ARHGAP42: variants seen among roughly 807,000 people sequenced by gnomAD.
ARHGAP42 encodes Rho GTPase activating protein 42, also known as rho GTPase-activating protein 42.
A neutral mutation model predicts 125.0 loss-of-function variants in ARHGAP42; 63 were observed. The observed-to-expected ratio is 0.50, with a 90% confidence interval of 0.41 to 0.62. The LOEUF (loss-of-function observed/expected upper bound fraction) is 0.62. Among genes scored for constraint, ARHGAP42 ranks in the 20% least tolerant of loss-of-function variants. ARHGAP42 has a pLI of 0.00. For missense variants in ARHGAP42, 766 were observed against 1,024.2 expected, an observed-to-expected ratio of 0.75 and a Z score of 3.44; for synonymous variants, 339 against 351.0, an observed-to-expected ratio of 0.97 and a Z score of 0.38.
intron 2 of ARHGAP42, among the ~76,000 whole-genome samples, chr11:100,777,423 T>G (rs985333683): frequency 1.3e-5 from 2 of 152,152 alleles, no homozygotes; most frequent in African/African-American, 4.8e-5. Context: ...AAGGGAGTGG[T>G]TGGAAAATCT....
At chr11:100,958,644 G>T (rs894298803) in intron 12 of ARHGAP42, among the ~76,000 whole-genome samples, 5 of 96,634 alleles carry the variant, frequency 5.2e-5, no homozygotes, top group African/African-American at 9.6e-5. Context: ...CTTACCAGTA[G>T]TTTGCATATA....
At chr11:100,846,743 T>G (rs1421193738) in intron 3 of ARHGAP42, among the ~76,000 whole-genome samples, 1 of 152,078 alleles carries the variant, frequency 6.6e-6, no homozygotes, top group Non-Finnish European at 1.5e-5. Context: ...TGTGGGAGTT[T>G]GAAGAAGGGC....
chr11:100,806,350 G>T (rs568814208), intron 3 of ARHGAP42, among the ~76,000 whole-genome samples: 1 of 152,038 alleles, frequency 6.6e-6, no homozygotes, highest in Non-Finnish European at 1.5e-5. Flanking sequence ...ATATGCCCTC[G>T]ATAGGTGATA....
At chr11:100,925,184 A>T (rs907685815) in intron 6 of ARHGAP42, among the ~76,000 whole-genome samples, 1 of 151,842 alleles carries the variant, frequency 6.6e-6, no homozygotes, top group African/African-American at 2.4e-5. Context: ...TTTCCAGTTT[A>T]TTATATTTTA....
intron 4 of ARHGAP42, among the ~76,000 whole-genome samples, chr11:100,886,391 C>G (rs1173616564): frequency 1.3e-5 from 2 of 152,168 alleles, no homozygotes; most frequent in East Asian, 3.9e-4. Flanking sequence ...CAATACATTT[C>G]TTTATAGAGT....
intron 4 of ARHGAP42, among the ~76,000 whole-genome samples, chr11:100,872,781 C>T (rs991062611): frequency 1.3e-5 from 2 of 152,074 alleles, no homozygotes; most frequent in Non-Finnish European, 2.9e-5. Context: ...ATTAGCATGC[C>T]ATCATCTGTC....
Position 100,973,304 on chromosome 11 carries a change from G to C in ARHGAP42, c.1680G>C (p.Val560=), listed in dbSNP as rs1362276486. 2.6e-6 allele frequency: 4 copies of C among 1,550,524 alleles called. No homozygotes were observed. Among genetic ancestry groups the C allele is most frequent in the Non-Finnish European group, 3.5e-6 (4 of 1,146,566 alleles). Residue 560 remains valine (V), a synonymous_variant, in exon 18 of 24, where the codon GTG becomes GTC. Coordinates refer to ENST00000298815, the MANE Select transcript of ARHGAP42 (RefSeq NM_152432.4). The stretch of plus-strand genomic sequence containing the variant: ...TGAATATTAAATTTCAGAATATTGT[G>C]GTAGAAATTCTGATAGAGCACTATG... ...AMMNIKFQNI[V]VEILIEHYEK... is the part of the protein sequence containing the mutation.
chr11:100,925,699 C>T (rs1018767415), intron 6 of ARHGAP42, among the ~76,000 whole-genome samples: 1 of 152,212 alleles, frequency 6.6e-6, no homozygotes, highest in Non-Finnish European at 1.5e-5. Context: ...AATCATGGCA[C>T]TGCTCTCCGG....
chr11:100,701,805 G>T (rs1861402205), intron 1 of ARHGAP42, among the ~76,000 whole-genome samples: 1 of 152,122 alleles, frequency 6.6e-6, no homozygotes, highest in Non-Finnish European at 1.5e-5. Context: ...CTTATCATTT[G>T]TGTGTTCACT....
intron 1 of ARHGAP42, among the ~76,000 whole-genome samples, chr11:100,704,374 G>GGAAAAGGCCA (rs1297661474): frequency 7.9e-5 from 12 of 152,176 alleles, no homozygotes; most frequent in Non-Finnish European, 1.8e-4. Context: ...AGCACAGGCC[G>GGAAAAGGCCA]GAAAAGGCCA....
chr11:100,712,379 A>G (rs957561531), intron 1 of ARHGAP42, among the ~76,000 whole-genome samples: 1 of 152,246 alleles, frequency 6.6e-6, no homozygotes, highest in African/African-American at 2.4e-5. Flanking sequence ...AATCTAAGAG[A>G]AAAGCGAAGT....
intron 22 of ARHGAP42, among the ~76,000 whole-genome samples, chr11:100,981,986 G>A (rs1858555595): frequency 6.6e-6 from 1 of 152,170 alleles, no homozygotes; most frequent in Non-Finnish European, 1.5e-5. Flanking sequence ...GAAAGGTGCA[G>A]CTGGAACCAG....
intron 15 of ARHGAP42, 21 bp downstream of exon 15, chr11:100,961,789 G>C (rs1441447820): frequency 6.5e-7 from 1 of 1,536,038 alleles, no homozygotes; most frequent in East Asian, 2.5e-5. Flanking sequence ...TTTAACTCCT[G>C]GTACTCTGGA....
chr11:100,929,195 A>G (rs1867508981), intron 6 of ARHGAP42, among the ~76,000 whole-genome samples: 1 of 152,100 alleles, frequency 6.6e-6, no homozygotes, highest in African/African-American at 2.4e-5. Context: ...TTAGATTCTC[A>G]TAAGGAGCAG....
At chr11:100,794,446 A>G (rs551243331) in intron 2 of ARHGAP42, among the ~76,000 whole-genome samples, 1 of 152,178 alleles carries the variant, frequency 6.6e-6, no homozygotes, top group Non-Finnish European at 1.5e-5. Context: ...TAATACAGAA[A>G]CAGATTACCA....
chr11:100,863,244 G>A (rs959089099), intron 4 of ARHGAP42, among the ~76,000 whole-genome samples: 7 of 152,008 alleles, frequency 4.6e-5, no homozygotes, highest in African/African-American at 1.7e-4. Flanking sequence ...AATTCTACAA[G>A]TGACACTCTG....
At chr11:100,762,966 A>G (rs1862741951) in intron 1 of ARHGAP42, among the ~76,000 whole-genome samples, 1 of 120,484 alleles carries the variant, frequency 8.3e-6, no homozygotes, top group Non-Finnish European at 1.7e-5. Context: ...AGTAGTTTAT[A>G]GTGATTTTTT....
intron 1 of ARHGAP42, among the ~76,000 whole-genome samples, chr11:100,709,447 G>A (rs183777793): frequency 1.3e-5 from 2 of 152,280 alleles, no homozygotes; most frequent in Admixed American, 6.5e-5. Flanking sequence ...GGACAGTGGG[G>A]TGATTCATGA....
At chr11:100,750,509 C>T (rs1239716378) in intron 1 of ARHGAP42, among the ~76,000 whole-genome samples, 2 of 115,526 alleles carry the variant, frequency 1.7e-5, no homozygotes, top group South Asian at 2.7e-4. Context: ...GGGTGGAGCA[C>T]CTGGACAAGG....
Sources: gnomAD v4.1 joint callset for allele counts (sites outside exome capture counted in the v4.1 genomes callset) on GRCh38, gnomAD v4.1.1 for gene constraint, MANE v1.5 for transcripts, NCBI Gene and HGNC (gene_info 2026-07-23, HGNC 2026-07-21) for gene names.